The following ANKRD13B variants were observed in gnomAD, a reference collection of about 807,000 sequenced individuals.
ANKRD13B encodes ankyrin repeat domain-containing protein 13B.
A neutral mutation model predicts 74.4 loss-of-function variants in ANKRD13B; 33 were observed. That is an observed-to-expected ratio of 0.44 (90% CI 0.34 to 0.59). The LOEUF is 0.59. Among genes scored for constraint, ANKRD13B ranks in the 20% least tolerant of loss-of-function variants. ANKRD13B has a pLI of 0.02. For synonymous variants in ANKRD13B, 341 were observed against 362.9 expected, an observed-to-expected ratio of 0.94 and a Z score of 0.68; for missense variants, 676 against 877.9, an observed-to-expected ratio of 0.77 and a Z score of 2.91.
Position 29,612,779 on chromosome 17 carries a change from G to T in ANKRD13B, c.1539G>T (p.Gln513His). The T allele has an allele frequency of 6.2e-7, 1 of 1,603,580 alleles. No individual in the cohort carries two copies. Among genetic ancestry groups the T allele is most frequent in the Non-Finnish European group, 8.5e-7 (1 of 1,178,770 alleles). ...ACGACCTGCTGCAATTCGCCATCCA[G>T]CAGAGCCTGCTTGAGGCGGGCAGTG... ...DDDDLLQFAI[Q>H]QSLLEAGSEY... The change falls in exon 13 of 15, where the codon CAG (glutamine) becomes CAT (histidine). Residue 513 changes from glutamine (Q) to histidine (H), a missense_variant. Around this residue, in one of 4 missense-constraint regions of ANKRD13B, gnomAD observed 152 missense variants for 181.4 expected, o/e 0.84. Transcript: ENST00000394859. The surrounding 1 kb of genome is among the most constrained non-coding windows in gnomAD (Gnocchi z 6.1).
In ANKRD13B at chr17:29,612,200, C is replaced by T. The variant is rs376640359; in HGVS notation, c.1185C>T (p.Val395=). The change falls in exon 11 of 15, where the codon GTC becomes GTT. Residue 395 remains valine, a synonymous_variant. Transcript: ENST00000394859. The surrounding 1 kb of genome is among the most constrained non-coding windows in gnomAD (Gnocchi z 6.1). ...CCCCCATCATTGACCTCATGGCCGT[C>T]AGCAATGCGCTTTTTGCCAAGCTCC... is the stretch of plus-strand genomic sequence containing the variant. ...QVAPIIDLMA[V]SNALFAKLRD... is the part of the protein sequence containing the mutation. The T allele has an allele frequency of 1.9e-6, 3 of 1,614,172 alleles. No homozygotes were observed. The highest frequency in any genetic ancestry group is 2.5e-6 in the Non-Finnish European group (3 of 1,180,030).
chr17:29,595,073 T>G (rs1402296940), intron 1 of ANKRD13B, among the ~76,000 whole-genome samples: 1 of 152,192 alleles, frequency 6.6e-6, no homozygotes, highest in East Asian at 1.9e-4. Flanking sequence ...CTCTCCGAGT[T>G]TCTCCTCAGA....
chr17:29,613,216 G>A, intron 14 of ANKRD13B, 138 bp from the exon 15 acceptor site: 1 of 1,355,346 alleles, frequency 7.4e-7, no homozygotes, highest in Non-Finnish European at 9.7e-7. Context: ...CCAGGTGGGG[G>A]CCAGGACGCC....
At chr17:29,600,168 A>G (rs1284816445) in intron 1 of ANKRD13B, among the ~76,000 whole-genome samples, 1 of 151,930 alleles carries the variant, frequency 6.6e-6, no homozygotes, top group African/African-American at 2.4e-5. Context: ...GAGCCACTGC[A>G]CCCAGCCGTC....
chr17:29,605,667 C>T (rs1202624030), intron 1 of ANKRD13B, among the ~76,000 whole-genome samples: 1 of 152,086 alleles, frequency 6.6e-6, no homozygotes, highest in Non-Finnish European at 1.5e-5. Flanking sequence ...TGGGGTTTTG[C>T]CATATTGCCC....
intron 1 of ANKRD13B, among the ~76,000 whole-genome samples, chr17:29,597,985 AGCGGCT>A (rs1344790860): frequency 1.3e-5 from 2 of 151,864 alleles, no homozygotes; most frequent in African/African-American, 2.4e-5. Context: ...TATTAGCTGC[AGCGGCT>A]GCGGCTGCAG....
chr17:29,600,931 T>TC (rs998777030), intron 1 of ANKRD13B, among the ~76,000 whole-genome samples: 4 of 150,254 alleles, frequency 2.7e-5, no homozygotes, highest in Admixed American at 6.6e-5. Context: ...ACTTTTTTTT[T>TC]TTTTTTTTTT....
rs143637888 is a variant in ANKRD13B at position 29,609,860 on chromosome 17, C to G, written c.822+439C>G. ...TAAGTGGCAGAGTTGGGGTTCAGAT[C>G]CTGGCTGGCCTGACCCTAGAGCCAG... On this transcript the variant is annotated intron_variant, in intron 7 of 14. Transcript: ENST00000394859. This position sits in a 1 kb window ranked among gnomAD's most constrained non-coding sequence, Gnocchi z 4.0. 2.0e-5 allele frequency among the ~76,000 whole-genome samples: 3 copies of G among 152,230 alleles called. No homozygotes were observed. In the East Asian group the frequency reaches 5.8e-4, roughly 29 times the overall value.
intron 1 of ANKRD13B, among the ~76,000 whole-genome samples, chr17:29,602,407 A>AG (rs2034214842): frequency 6.6e-6 from 1 of 151,796 alleles, no homozygotes; most frequent in South Asian, 2.1e-4. Flanking sequence ...AAAAAAAAAA[A>AG]AAAAATTTAT....
Position 29,612,825 on chromosome 17 carries a change from C to T in ANKRD13B, c.1575+10C>T, listed in dbSNP as rs1180573777. The T allele has an allele frequency of 2.5e-6, 4 of 1,600,154 alleles. No homozygotes were observed. Among genetic ancestry groups the T allele is most frequent in the Middle Eastern group, 1.7e-4 (1 of 6,050 alleles). ...CAGTGAGTATGACCAGGTGCGTCTC[C>T]GCGGGCGCGCGGGGCCACGGGACTC... is the stretch of plus-strand genomic sequence containing the variant. On this transcript the variant is annotated intron_variant, in intron 13 of 14. Transcript: ENST00000394859. This position sits in a 1 kb window ranked among gnomAD's most constrained non-coding sequence, Gnocchi z 6.1.
intron 1 of ANKRD13B, among the ~76,000 whole-genome samples, chr17:29,605,776 A>G (rs1243196977): frequency 6.6e-6 from 1 of 151,604 alleles, no homozygotes; most frequent in Non-Finnish European, 1.5e-5. Flanking sequence ...GCCTTCATAT[A>G]TTTTGCAGCA....
intron 1 of ANKRD13B, among the ~76,000 whole-genome samples, chr17:29,607,196 A>G (rs993871156): frequency 4.1e-4 from 62 of 152,380 alleles, no homozygotes; most frequent in Admixed American, 1.5e-3. Context: ...AGCACAGGAC[A>G]TGGTTGTGAA....
At chr17:29,600,434 G>T (rs948288887) in intron 1 of ANKRD13B, among the ~76,000 whole-genome samples, 3 of 152,164 alleles carry the variant, frequency 2.0e-5, no homozygotes, top group African/African-American at 4.8e-5. Context: ...GCTGCCAGTG[G>T]TTCAGGACCC....
chr17:29,600,594 G>A (rs1412233857), intron 1 of ANKRD13B, among the ~76,000 whole-genome samples: 1 of 152,304 alleles, frequency 6.6e-6, no homozygotes, highest in Non-Finnish European at 1.5e-5. Context: ...AGGAAGGGGG[G>A]CATCTCCCAG....
At position 29,613,583 on chromosome 17, in the gene ANKRD13B, C is replaced by T; in HGVS notation, c.*1C>T. The T allele has an allele frequency of 6.3e-6, 9 of 1,435,624 alleles. No homozygotes were observed. The highest frequency in any genetic ancestry group is 8.2e-6 in the Non-Finnish European group (9 of 1,091,014). 88.9% of individuals were successfully genotyped at this position (1,435,624 alleles called of 1,614,324 possible). A position where few individuals can be genotyped will look rare whatever the true frequency, so the allele number is the denominator to read the frequency against. The stretch of plus-strand genomic sequence containing the variant: ...GAGGCTCTCACTGACCGAGCAGTAG[C>T]GCCCCCTGCCGGGACCCTCGCCAGC... On this transcript the variant is annotated 3_prime_UTR_variant, in exon 15 of 15. Transcript: ENST00000394859.
At position 29,611,522 on chromosome 17, in the gene ANKRD13B, A is replaced by C. The variant is rs935135053; in HGVS notation, c.905-57A>C. The C allele has an allele frequency of 2.6e-5, 41 of 1,574,638 alleles. No homozygotes were observed. The highest frequency in any genetic ancestry group is 3.4e-5 in the Non-Finnish European group (39 of 1,144,810). On this transcript the variant is annotated intron_variant, in intron 8 of 14. Coordinates refer to ENST00000394859, the MANE Select transcript of ANKRD13B (RefSeq NM_152345.5). The surrounding 1 kb of genome is among the most constrained non-coding windows in gnomAD (Gnocchi z 4.3). ...GTCTTGGGTGCTGTCACCTCTGATG[A>C]GGTGCCCAGGTGTGTGTGGAGTTGC... is the stretch of plus-strand genomic sequence containing the variant.
At chr17:29,604,432 C>G (rs1472439212) in intron 1 of ANKRD13B, among the ~76,000 whole-genome samples, 1 of 152,058 alleles carries the variant, frequency 6.6e-6, no homozygotes, top group African/African-American at 2.4e-5. Flanking sequence ...TGGTCTTGAA[C>G]TCCTAGGCTC....
chr17:29,611,920 C>T lies in ANKRD13B; in HGVS notation c.1014C>T (p.Ile338=). 1.2e-6 allele frequency: 2 copies of T among 1,614,086 alleles called. No homozygotes were observed. Among genetic ancestry groups the T allele is most frequent in the Non-Finnish European group, 1.7e-6 (2 of 1,179,978 alleles). The change falls in exon 10 of 15, where the codon ATC becomes ATT. Residue 338 remains isoleucine, a synonymous_variant. Coordinates refer to ENST00000394859, the MANE Select transcript of ANKRD13B (RefSeq NM_152345.5). This position sits in a 1 kb window ranked among gnomAD's most constrained non-coding sequence, Gnocchi z 4.3. ...TGAGCCAAGCCAACCCCACTGCCATCACTGCAGAAGAATACTTCAACCCCA... is the reference window on the plus strand; with the variant it reads ...TGAGCCAAGCCAACCCCACTGCCATTACTGCAGAAGAATACTTCAACCCCA... ...QTLSQANPTA[I]TAEEYFNPNF...
In ANKRD13B at chr17:29,612,270, A is replaced by G. The variant is rs1241197746; in HGVS notation, c.1255A>G (p.Ile419Val). 6.2e-7 allele frequency: 1 copy of G among 1,613,656 alleles called. No homozygotes were observed. ...TCTGCCTCCTGGCTTCCCAGTTAAG[A>G]TTGGTGAGACCGCACGGCCATTTCT... ...LRLPPGFPVK[I>V]EIPIFHILNA... Residue 419 changes from isoleucine (I) to valine (V), a missense_variant, in exon 11 of 15, where the codon ATT becomes GTT. Physicochemically the swap from Ile to Val is conservative, Grantham distance 29 (BLOSUM62 3). Transcript: ENST00000394859. This position sits in a 1 kb window ranked among gnomAD's most constrained non-coding sequence, Gnocchi z 6.1.
Sources: allele counts gnomAD v4.1 joint callset (sites outside exome capture counted in the v4.1 genomes callset), GRCh38; gene constraint gnomAD v4.1.1; regional missense constraint gnomAD v4.1.1; non-coding constraint Gnocchi (gnomAD v3.1); transcripts MANE v1.5; gene names NCBI Gene and HGNC (gene_info 2026-07-23, HGNC 2026-07-21).